The following GRAMD4 variants were observed in gnomAD, a reference collection of about 807,000 sequenced individuals.
GRAMD4 encodes the protein GRAM domain containing 4.
In GRAMD4, 25 loss-of-function variants were observed where a neutral mutation model predicts 83.9. The observed-to-expected ratio is 0.30, with a 90% confidence interval of 0.22 to 0.42. GRAMD4 has a LOEUF of 0.42. Ranked by LOEUF, GRAMD4 falls within the 10% of genes least tolerant of loss-of-function variation. The pLI is 1.00. For missense variants in GRAMD4, 593 were observed against 788.7 expected (o/e 0.75, Z 2.97); for synonymous variants, 336 against 320.9 (o/e 1.05, Z -0.50).
At chr22:46,584,276 G>C (rs927236003) in intron 1 of GRAMD4, among the ~76,000 whole-genome samples, 1 of 152,054 alleles carries the variant, frequency 6.6e-6, no homozygotes, top group Non-Finnish European at 1.5e-5. Flanking sequence ...TCCAGGTGGC[G>C]GGTACGCTCA....
intron 1 of GRAMD4, among the ~76,000 whole-genome samples, chr22:46,609,552 A>G (rs2081397647): frequency 6.6e-6 from 1 of 152,258 alleles, no homozygotes; most frequent in African/African-American, 2.4e-5. Context: ...AGATTTGCCC[A>G]GGGACCCAGG....
Position 46,637,974 on chromosome 22 carries a change from A to C in GRAMD4, c.283+14A>C. On this transcript the variant is annotated intron_variant, in intron 3 of 18. Coordinates refer to ENST00000406902, the MANE Select transcript of GRAMD4 (RefSeq NM_015124.5). ...AACATTTCTTACGTGAGTACCAGAA[A>C]GCGCTTGGAGGGGATGGGACAAGGT... 2 of 1,612,186 alleles carry C rather than the reference A, an allele frequency of 1.2e-6. No homozygotes were observed. Among genetic ancestry groups the C allele is most frequent in the African/African-American group, 1.3e-5 (1 of 74,998 alleles).
intron 1 of GRAMD4, among the ~76,000 whole-genome samples, chr22:46,586,592 G>C (rs547217686): frequency 2.0e-5 from 3 of 152,192 alleles, no homozygotes; most frequent in Admixed American, 1.3e-4. Flanking sequence ...ACACAGAGAC[G>C]AGGGCCTTCA....
chr22:46,625,902 C>G lies in GRAMD4; in HGVS notation c.-49-849C>G, dbSNP rs529105159. ...TGTGTGAATTACGCGTGTCCTGATG[C>G]AGCACACAGTGACTCGCACCTCAGT... On this transcript the variant is annotated intron_variant, in intron 1 of 18. Transcript: ENST00000406902. Among the ~76,000 whole-genome samples the G allele has an allele frequency of 5.3e-5, 8 of 152,364 alleles. No individual in the cohort carries two copies. In the South Asian group the frequency reaches 1.7e-3, roughly 32 times the overall value.
At chr22:46,680,241 C>G (rs568699704), downstream of GRAMD4, among the ~76,000 whole-genome samples, 1 of 152,196 alleles carries the variant, frequency 6.6e-6, no homozygotes, top group South Asian at 2.1e-4. Context: ...GGGGCTTGGT[C>G]CATCTGGATG....
chr22:46,669,905 G>A (rs1295729356), intron 13 of GRAMD4, among the ~76,000 whole-genome samples: 2 of 152,146 alleles, frequency 1.3e-5, no homozygotes, highest in African/African-American at 2.4e-5. Context: ...GTCTTGTCTT[G>A]TTTCTTTTCT....
intron 14 of GRAMD4, 139 bp downstream of exon 14, chr22:46,673,136 G>GGT (rs928641739): frequency 4.3e-5 from 29 of 680,296 alleles, no homozygotes; most frequent in Non-Finnish European, 6.0e-5. Flanking sequence ...AAACTTGAGG[G>GGT]TTTTTTTTTT....
intron 5 of GRAMD4, among the ~76,000 whole-genome samples, chr22:46,661,780 G>T (rs969107836): frequency 2.6e-5 from 4 of 152,208 alleles, no homozygotes; most frequent in African/African-American, 7.2e-5. Context: ...TGAGAGCCAC[G>T]CTGGTCACTG....
At position 46,679,386 on chromosome 22, in the gene GRAMD4, G is replaced by A; in HGVS notation, c.*2135G>A. 5.1e-6 allele frequency: 5 copies of A among 985,434 alleles called. No individual in the cohort carries two copies. The highest frequency in any genetic ancestry group is 6.0e-6 in the Non-Finnish European group (5 of 829,930). The allele number at this position is 985,434 out of a possible 1,614,324, so 61.0% of individuals were successfully genotyped here. The stretch of plus-strand genomic sequence containing the variant: ...GAGGGCCACATTCGGGGAGCGGGGG[G>A]TCGGGGGAGGGCCACCGACTGGCTC... On this transcript the variant is annotated 3_prime_UTR_variant, in exon 19 of 19. Coordinates refer to ENST00000406902, the MANE Select transcript of GRAMD4 (RefSeq NM_015124.5).
intron 16 of GRAMD4, 53 bp downstream of exon 16, chr22:46,674,803 C>T: frequency 7.7e-7 from 1 of 1,293,844 alleles, no homozygotes; most frequent in South Asian, 1.2e-5. Flanking sequence ...GCGCAGGAGG[C>T]TGCCTAGGCC....
At chr22:46,603,539 T>C (rs1231969985) in intron 1 of GRAMD4, among the ~76,000 whole-genome samples, 11 of 117,868 alleles carry the variant, frequency 9.3e-5, no homozygotes, top group East Asian at 2.7e-4. Flanking sequence ...TTTTTTGAGA[T>C]GGAGTCTCAC....
chr22:46,615,218 C>T (rs1334186945), intron 1 of GRAMD4, among the ~76,000 whole-genome samples: 1 of 14,806 alleles, frequency 6.8e-5, no homozygotes, highest in Non-Finnish European at 1.2e-4. Context: ...TAGGTTCCCC[C>T]GTGTGTAGGT....
chr22:46,637,690 C>T (rs943992246), intron 2 of GRAMD4, 150 bp from the exon 3 acceptor site: 9 of 727,974 alleles, frequency 1.2e-5, no homozygotes, highest in South Asian at 1.9e-5. Context: ...ACTGCTGCGT[C>T]GTCCCCATGT....
At position 46,663,831 on chromosome 22, in the gene GRAMD4, C is replaced by T. The variant is rs756837955; in HGVS notation, c.600-7C>T. ...CCTGGGCTCCCATCTCTCCCCTTCT[C>T]TCTTAGGTTAACTGAAAATATGAGA... On this transcript the variant is annotated splice_region_variant and splice_polypyrimidine_tract_variant and intron_variant, in intron 6 of 18. Transcript: ENST00000406902. 1 of 1,613,288 alleles carries T rather than the reference C, an allele frequency of 6.2e-7. No individual in the cohort carries two copies. Among genetic ancestry groups the T allele is most frequent in the African/African-American group, 1.3e-5 (1 of 75,066 alleles).
rs900397420 is a variant in GRAMD4 at position 46,620,792 on chromosome 22, G to A, written c.-50+227G>A. Among the ~76,000 whole-genome samples, 9 of 152,198 alleles carry A rather than the reference G, an allele frequency of 5.9e-5. No homozygotes were observed. Among genetic ancestry groups the A allele is most frequent in the Non-Finnish European group, 8.8e-5 (6 of 68,022 alleles). The stretch of plus-strand genomic sequence containing the variant: ...CCGGGGCCAGGGGTCCAGTGAGGAA[G>A]GGTGGAGGCCTCCTGAGAACCTGGC... On this transcript the variant is annotated intron_variant, in intron 1 of 18. Transcript: ENST00000406902. This position sits in a 1 kb window ranked among gnomAD's most constrained non-coding sequence, Gnocchi z 4.7.
At chr22:46,680,576 A>ATCAATCCATCCG (rs1569313346), downstream of GRAMD4, among the ~76,000 whole-genome samples, 1 of 137,398 alleles carries the variant, frequency 7.3e-6, no homozygotes, top group African/African-American at 2.9e-5. Flanking sequence ...CCATCCATCC[A>ATCAATCCATCCG]TCCATCCATC....
At chr22:46,605,774 G>C (rs562315277) in intron 1 of GRAMD4, among the ~76,000 whole-genome samples, 3 of 149,498 alleles carry the variant, frequency 2.0e-5, no homozygotes, top group African/African-American at 7.4e-5. Flanking sequence ...CCGGTGCTGA[G>C]CATCTCTGCA....
intron 1 of GRAMD4, among the ~76,000 whole-genome samples, chr22:46,604,057 C>G (rs987757406): frequency 6.6e-6 from 1 of 152,068 alleles, no homozygotes; most frequent in Non-Finnish European, 1.5e-5. Flanking sequence ...TATCTCACAC[C>G]CTCCTATTAA....
intron 9 of GRAMD4, among the ~76,000 whole-genome samples, 157 bp downstream of exon 9, chr22:46,665,863 G>A (rs1048187559): frequency 4.6e-5 from 7 of 152,290 alleles, no homozygotes; most frequent in Middle Eastern, 3.4e-3. Flanking sequence ...CAGGCAGGGC[G>A]GCTGCCCCCT....
Sources: gnomAD v4.1 joint callset for allele counts (sites outside exome capture counted in the v4.1 genomes callset) on GRCh38, gnomAD v4.1.1 for gene constraint, Gnocchi (gnomAD v3.1) non-coding constraint, MANE v1.5 for transcripts, NCBI Gene and HGNC (gene_info 2026-07-23, HGNC 2026-07-21) for gene names.